The following STAT4 variants were observed in gnomAD, a reference collection of about 807,000 sequenced individuals.
STAT4 encodes signal transducer and activator of transcription 4.
STAT4 carries 42 observed loss-of-function variants against 110.5 expected under a neutral mutation model. The observed-to-expected ratio is 0.38, with a 90% CI of 0.30 to 0.49. The LOEUF (loss-of-function observed/expected upper bound fraction) is 0.49. Ranked by LOEUF, STAT4 falls within the 20% of genes least tolerant of loss-of-function variation. STAT4 has a pLI of 0.95. For missense variants in STAT4, 632 were observed against 887.9 expected, an observed-to-expected ratio of 0.71 and a Z score of 3.66; for synonymous variants, 284 against 302.2, an observed-to-expected ratio of 0.94 and a Z score of 0.63.
In STAT4 at chr2:191,059,559, A is replaced by G. The variant is rs1696793471; in HGVS notation, c.1035-790T>C. On this transcript the variant is annotated intron_variant, in intron 10 of 23. Coordinates refer to ENST00000392320, the MANE Select transcript of STAT4 (RefSeq NM_003151.4). This position sits in a 1 kb window ranked among gnomAD's most constrained non-coding sequence, Gnocchi z 4.7. ...TGCACTGAGCTCCTCATATTTATGC[A>G]GTACACCCTTAGGTACTAGAGAACT... Among the ~76,000 whole-genome samples, 1 of 152,256 alleles carries G rather than the reference A, an allele frequency of 6.6e-6. No homozygotes were observed. Among genetic ancestry groups the G allele is most frequent in the African/African-American group, 2.4e-5 (1 of 41,464 alleles).
intron 13 of STAT4, 31 bp from the exon 14 acceptor site, chr2:191,054,565 G>T (rs1696621449): frequency 5.6e-6 from 9 of 1,601,292 alleles, no homozygotes; most frequent in Non-Finnish European, 7.7e-6. Flanking sequence ...ATATTTAGAT[G>T]GAAAAGCATT....
chr2:191,100,098 A>G (rs2125331828), intron 3 of STAT4, among the ~76,000 whole-genome samples: 1 of 152,316 alleles, frequency 6.6e-6, no homozygotes, highest in Non-Finnish European at 1.5e-5. Flanking sequence ...TAATGTGCAA[A>G]AATTAGAAAA....
chr2:191,146,578 T>C lies in STAT4; in HGVS notation c.273+35A>G. 7.0e-7 allele frequency: 1 copy of C among 1,436,556 alleles called. No individual in the cohort carries two copies. The highest frequency in any genetic ancestry group is 1.9e-4 in the Middle Eastern group (1 of 5,312). The allele number at this position is 1,436,556 out of a possible 1,614,324, so 89.0% of individuals were successfully genotyped here. ...TTTAACTAAATTTAAGACTCATATA[T>C]CCAAATATTTTGGAAAAGTAGAATG... On this transcript the variant is annotated intron_variant, in intron 3 of 23. Transcript: ENST00000392320. The surrounding 1 kb of genome is among the most constrained non-coding windows in gnomAD (Gnocchi z 4.5).
chr2:191,122,644 T>C (rs920972196), intron 3 of STAT4, among the ~76,000 whole-genome samples: 4 of 152,340 alleles, frequency 2.6e-5, no homozygotes, highest in African/African-American at 7.2e-5. Context: ...AATTGTACTA[T>C]AGTTATACAA....
intron 3 of STAT4, among the ~76,000 whole-genome samples, chr2:191,128,034 G>A (rs566724931): frequency 1.1e-4 from 16 of 152,282 alleles, no homozygotes; most frequent in African/African-American, 3.6e-4. Flanking sequence ...TTCTGTTGAT[G>A]ATCCCATATT....
At position 191,040,988 on chromosome 2, in the gene STAT4, C is replaced by T. The variant is rs73048719; in HGVS notation, c.1335+77G>A. ...GGAATGTACTAAAACCTAGAAAAGA[C>T]TGAGCTTACATCTATTAATGCTGAC... On this transcript the variant is annotated intron_variant, in intron 15 of 23. Transcript: ENST00000392320. 1.6e-3 allele frequency: 1,514 copies of T among 949,176 alleles called. 17 individuals are homozygous for T. In the African/African-American group the frequency reaches 0.022, roughly 14 times the overall value. 58.8% of individuals were successfully genotyped at this position (949,176 alleles called of 1,614,324 possible). A position where few individuals can be genotyped will look rare whatever the true frequency, so the allele number is the denominator to read the frequency against.
chr2:191,093,254 C>T (rs999495049), intron 3 of STAT4, among the ~76,000 whole-genome samples: 3 of 152,188 alleles, frequency 2.0e-5, no homozygotes, highest in African/African-American at 4.8e-5. Context: ...CAAGTGGATC[C>T]CTGACCCCTG....
rs1181438467 is a variant in STAT4 at position 191,116,443 on chromosome 2, A to T, written c.273+30170T>A. 6.6e-6 allele frequency among the ~76,000 whole-genome samples: 1 copy of T among 152,242 alleles called. No individual in the cohort carries two copies. The highest frequency in any genetic ancestry group is 2.4e-5 in the African/African-American group (1 of 41,462). ...AAGTTGAGAAATGCTAATTCAAGTT[A>T]GAAAGAAATACCCGAGTAGCCTAGA... On this transcript the variant is annotated intron_variant, in intron 3 of 23. Transcript: ENST00000392320. The surrounding 1 kb of genome is among the most constrained non-coding windows in gnomAD (Gnocchi z 4.1).
At chr2:191,139,015 C>T (rs1699251316) in intron 3 of STAT4, among the ~76,000 whole-genome samples, 1 of 152,014 alleles carries the variant, frequency 6.6e-6, no homozygotes, top group Admixed American at 6.6e-5. Flanking sequence ...ATGATCATCT[C>T]AATAGGTGCA....
chr2:191,064,732 G>A lies in STAT4; in HGVS notation c.782+75C>T, dbSNP rs1042059497. On this transcript the variant is annotated intron_variant, in intron 8 of 23. Transcript: ENST00000392320. ...AACTGATGTTGCAGTCTAAACCTGC[G>A]TTCTCTGGCTGAGTGACACTGAAGT... The A allele has an allele frequency of 4.5e-5, 69 of 1,531,488 alleles. No individual in the cohort carries two copies. The East Asian group carries it at 7.1e-4, about 16-fold the overall frequency. The allele number at this position is 1,531,488 out of a possible 1,614,324, so 94.9% of individuals were successfully genotyped here.
rs1574129223 is a variant in STAT4, at chr2:191,072,242, G to A, written c.465+856C>T. 2.6e-5 allele frequency among the ~76,000 whole-genome samples: 4 copies of A among 152,292 alleles called. 1 individual carries two copies. Among genetic ancestry groups the A allele is most frequent in the Admixed American group, 2.6e-4 (4 of 15,302 alleles). On this transcript the variant is annotated intron_variant, in intron 5 of 23. Coordinates refer to ENST00000392320, the MANE Select transcript of STAT4 (RefSeq NM_003151.4). Reference sequence around the variant, plus strand: ...AATGTGCTTAAGTATTCTTACTGTAGTAAAATAATAATCTCCTGCCTTGCA... The same window carrying A: ...AATGTGCTTAAGTATTCTTACTGTAATAAAATAATAATCTCCTGCCTTGCA...
At chr2:191,094,123 T>A (rs933402326) in intron 3 of STAT4, among the ~76,000 whole-genome samples, 1 of 152,162 alleles carries the variant, frequency 6.6e-6, no homozygotes. Context: ...TTGGTGTGCC[T>A]GAAAGTGACA....
chr2:191,111,233 C>T (rs575069001), intron 3 of STAT4, among the ~76,000 whole-genome samples: 3 of 152,232 alleles, frequency 2.0e-5, no homozygotes, highest in Non-Finnish European at 2.9e-5. Flanking sequence ...ATGCCTTATC[C>T]TTTTCCTCTC....
chr2:191,124,493 A>C (rs1055832339), intron 3 of STAT4, among the ~76,000 whole-genome samples: 2 of 150,710 alleles, frequency 1.3e-5, no homozygotes, highest in Non-Finnish European at 2.9e-5. Flanking sequence ...AGCCCTTGCT[A>C]TATGCTGGGC....
intron 3 of STAT4, among the ~76,000 whole-genome samples, chr2:191,125,665 G>A (rs1310777572): frequency 1.3e-5 from 2 of 151,772 alleles, no homozygotes; most frequent in East Asian, 3.9e-4. Flanking sequence ...CTAATTTTTT[G>A]TAGAGATAGG....
At chr2:191,045,514 T>G (rs1193479082) in intron 14 of STAT4, among the ~76,000 whole-genome samples, 1 of 152,058 alleles carries the variant, frequency 6.6e-6, no homozygotes, top group African/African-American at 2.4e-5. Context: ...CAAGTAGGAT[T>G]ATCTACACCA....
In STAT4 at chr2:191,058,755, A is replaced by T; in HGVS notation, c.1049T>A (p.Leu350Ter). The change falls in exon 11 of 24, where the codon TTG becomes TAG. Residue 350 changes from leucine (L) to a stop codon, truncating the protein, a stop_gained. Coordinates refer to ENST00000392320, the MANE Select transcript of STAT4 (RefSeq NM_003151.4). LOFTEE classifies it high-confidence loss of function. This position sits in a 1 kb window ranked among gnomAD's most constrained non-coding sequence, Gnocchi z 4.3. ...FTVKLRLLIKLPELNYQVKVK... is the reference protein window; with the variant it reads ...FTVKLRLLIK ...CTTTACCTGATAGTTTAGTTCTGGCAATTTTATTAGTAGCCTGGAAAGAGA... is the reference window on the plus strand; with the variant it reads ...CTTTACCTGATAGTTTAGTTCTGGCTATTTTATTAGTAGCCTGGAAAGAGA... 6.3e-7 allele frequency: 1 copy of T among 1,588,404 alleles called. No homozygotes were observed. Among genetic ancestry groups the T allele is most frequent in the Non-Finnish European group, 8.6e-7 (1 of 1,164,924 alleles).
rs1306402209 is a variant in STAT4, at chr2:191,091,475, T to C, written c.274-15150A>G. Among the ~76,000 whole-genome samples the C allele has an allele frequency of 6.6e-6, 1 of 152,228 alleles. No homozygotes were observed. Among genetic ancestry groups the C allele is most frequent in the Admixed American group, 6.5e-5 (1 of 15,290 alleles). ...ATAAATTCTAAATGTGAGAGACTTG[T>C]TATTATAAAAATATTAATTGTCTCA... On this transcript the variant is annotated intron_variant, in intron 3 of 23. Coordinates refer to ENST00000392320, the MANE Select transcript of STAT4 (RefSeq NM_003151.4). The surrounding 1 kb of genome is among the most constrained non-coding windows in gnomAD (Gnocchi z 5.4).
intron 14 of STAT4, among the ~76,000 whole-genome samples, chr2:191,048,314 A>G (rs1343391346): frequency 6.6e-6 from 1 of 152,234 alleles, no homozygotes; most frequent in East Asian, 1.9e-4. Flanking sequence ...TACTATACAC[A>G]AGACTGGAGG....
Sources: allele counts gnomAD v4.1 joint callset (sites outside exome capture counted in the v4.1 genomes callset), GRCh38; gene constraint gnomAD v4.1.1; non-coding constraint Gnocchi (gnomAD v3.1); transcripts MANE v1.5; gene names NCBI Gene and HGNC (gene_info 2026-07-23, HGNC 2026-07-21).